Variants in TSPAN9 observed in about 807,000 individuals in gnomAD.
TSPAN9 encodes the protein tetraspanin 9, also known as tetraspanin-9.
In TSPAN9, 16 loss-of-function variants were observed where a neutral mutation model predicts 31.0. That is an observed-to-expected ratio of 0.52 (90% confidence interval 0.35 to 0.78). The LOEUF (loss-of-function observed/expected upper bound fraction) is 0.78. Ranked by LOEUF, TSPAN9 falls within the 30% of genes least tolerant of loss-of-function variation. TSPAN9 has a pLI of 0.01. For synonymous variants in TSPAN9, 145 were observed against 121.6 expected (o/e 1.19, Z -1.27); for missense variants, 272 against 312.5 (o/e 0.87, Z 0.98).
chr12:3,113,774 C>A (rs939277962), intron 2 of TSPAN9, among the ~76,000 whole-genome samples: 12 of 152,166 alleles, frequency 7.9e-5, no homozygotes, highest in Admixed American at 7.2e-4. Flanking sequence ...GCCTCAGTGT[C>A]CTTTTACTCT....
intron 3 of TSPAN9, among the ~76,000 whole-genome samples, chr12:3,213,550 C>T (rs2098379863): frequency 1.3e-5 from 2 of 152,102 alleles, no homozygotes; most frequent in Non-Finnish European, 2.9e-5. Flanking sequence ...GGGAGGAATG[C>T]TGATGTGGTA....
At chr12:3,078,463 G>T (rs1456938627) in intron 1 of TSPAN9, among the ~76,000 whole-genome samples, 1 of 152,292 alleles carries the variant, frequency 6.6e-6, no homozygotes, top group East Asian at 1.9e-4. Context: ...TAGCCACAGA[G>T]AATGTTGAAT....
At chr12:3,108,782 G>A (rs533355307) in intron 2 of TSPAN9, among the ~76,000 whole-genome samples, 5 of 151,962 alleles carry the variant, frequency 3.3e-5, no homozygotes, top group South Asian at 2.1e-4. Flanking sequence ...GCCTTCTATC[G>A]GGGTTTTTAT....
intron 3 of TSPAN9, among the ~76,000 whole-genome samples, chr12:3,247,301 C>T (rs1179221342): frequency 1.5e-4 from 2 of 13,454 alleles, no homozygotes; most frequent in African/African-American, 4.7e-4. Context: ...ACTGGCCAGC[C>T]CCCCCCCCCC....
chr12:3,085,579 C>T (rs2098300072), intron 2 of TSPAN9, among the ~76,000 whole-genome samples: 1 of 152,162 alleles, frequency 6.6e-6, no homozygotes, highest in African/African-American at 2.4e-5. Context: ...TTGACCAGCT[C>T]TGGGGTGGGA....
intron 2 of TSPAN9, among the ~76,000 whole-genome samples, chr12:3,124,410 T>C (rs1442327244): frequency 5.9e-5 from 9 of 152,032 alleles, no homozygotes; most frequent in Admixed American, 4.6e-4. Context: ...CAATAGAAAA[T>C]TAGTTATATA....
chr12:3,152,412 G>A (rs913155948), intron 2 of TSPAN9, among the ~76,000 whole-genome samples: 1 of 152,170 alleles, frequency 6.6e-6, no homozygotes, highest in African/African-American at 2.4e-5. Flanking sequence ...CTGTCCTTCT[G>A]ACACACCTGC....
chr12:3,153,059 G>A (rs190437872), intron 2 of TSPAN9, among the ~76,000 whole-genome samples: 119 of 152,332 alleles, frequency 7.8e-4, no homozygotes, highest in Non-Finnish European at 1.4e-3. Context: ...GCCTGCGCGT[G>A]TGTGGGGTGT....
chr12:3,275,992 A>G (rs2153980527), intron 3 of TSPAN9, among the ~76,000 whole-genome samples: 1 of 152,128 alleles, frequency 6.6e-6, no homozygotes, highest in African/African-American at 2.4e-5. Context: ...AAACATCTCA[A>G]ATTGGACCAT....
At chr12:3,253,879 G>A (rs377560947) in intron 3 of TSPAN9, among the ~76,000 whole-genome samples, 3 of 152,322 alleles carry the variant, frequency 2.0e-5, no homozygotes, top group African/African-American at 7.2e-5. Flanking sequence ...ATGTTTGGAA[G>A]CCCCAGAACC....
chr12:3,133,625 C>T (rs894146130), intron 2 of TSPAN9, among the ~76,000 whole-genome samples: 3 of 152,224 alleles, frequency 2.0e-5, no homozygotes, highest in African/African-American at 7.2e-5. Context: ...CCAAAGAAAA[C>T]AAGGTCAGTG....
rs150656006 is a variant in TSPAN9, at chr12:3,243,043, G to A, written c.64-35378G>A. 1.2e-4 allele frequency among the ~76,000 whole-genome samples: 18 copies of A among 152,342 alleles called. No individual in the cohort carries two copies. In the East Asian group the frequency reaches 1.4e-3, roughly 11 times the overall value. ...TGAATCAGCCTGAGAAAGTTGGGGT[G>A]TGGATGGTACATTTGGAGGGATGAA... On this transcript the variant is annotated intron_variant, in intron 3 of 8. Coordinates refer to ENST00000011898, the MANE Select transcript of TSPAN9 (RefSeq NM_006675.5).
intron 1 of TSPAN9, among the ~76,000 whole-genome samples, chr12:3,081,499 C>T (rs1033084580): frequency 4.6e-5 from 7 of 152,166 alleles, no homozygotes; most frequent in African/African-American, 1.7e-4. Flanking sequence ...TCTTTCAAGA[C>T]CTTTCTCATG....
intron 3 of TSPAN9, among the ~76,000 whole-genome samples, chr12:3,224,343 G>A (rs990455343): frequency 6.6e-6 from 1 of 152,226 alleles, no homozygotes; most frequent in Non-Finnish European, 1.5e-5. Context: ...GCGCCCTCAC[G>A]GGCTGGTGAA....
intron 2 of TSPAN9, among the ~76,000 whole-genome samples, chr12:3,133,208 G>T (rs1216034316): frequency 1.3e-5 from 2 of 152,076 alleles, no homozygotes; most frequent in Non-Finnish European, 2.9e-5. Flanking sequence ...CTGCCTCCGT[G>T]CACAGGCCCC....
At chr12:3,234,459 A>T (rs1205787986) in intron 3 of TSPAN9, among the ~76,000 whole-genome samples, 2 of 152,162 alleles carry the variant, frequency 1.3e-5, no homozygotes, top group African/African-American at 4.8e-5. Flanking sequence ...CTGACATAGT[A>T]GTAGGTACTC....
At chr12:3,265,358 A>G (rs1433762550) in intron 3 of TSPAN9, among the ~76,000 whole-genome samples, 1 of 152,194 alleles carries the variant, frequency 6.6e-6, no homozygotes, top group African/African-American at 2.4e-5. Flanking sequence ...AATGGGCTCC[A>G]CTCAAGATCG....
At chr12:3,191,332 G>A (rs545351303) in intron 2 of TSPAN9, among the ~76,000 whole-genome samples, 8 of 152,218 alleles carry the variant, frequency 5.3e-5, no homozygotes, top group Admixed American at 1.3e-4. Flanking sequence ...GGAGCGTGTG[G>A]GTGCCTCCCA....
chr12:3,174,739 C>T (rs1410460605), intron 2 of TSPAN9, among the ~76,000 whole-genome samples: 43 of 137,960 alleles, frequency 3.1e-4, no homozygotes, highest in African/African-American at 7.8e-4. Context: ...CCCACCACCG[C>T]GCCCGGCTAA....
Sources: gnomAD v4.1 joint callset for allele counts (sites outside exome capture counted in the v4.1 genomes callset) on GRCh38, gnomAD v4.1.1 for gene constraint, MANE v1.5 for transcripts, NCBI Gene and HGNC (gene_info 2026-07-23, HGNC 2026-07-21) for gene names.